HDAC8: variants seen among roughly 807,000 people sequenced by gnomAD.
HDAC8 encodes histone deacetylase 8, also known as histone deacetylase-like 1.
In HDAC8, 1 loss-of-function variant was observed where a neutral mutation model predicts 32.2. The observed-to-expected ratio is 0.03, with a 90% CI of 0.01 to 0.15. The LOEUF is 0.15. Ranked by LOEUF, HDAC8 falls within the 10% of genes least tolerant of loss-of-function variation. The pLI, the probability that HDAC8 is intolerant of heterozygous loss-of-function variation, is 1.00. For synonymous variants in HDAC8, 108 were observed against 113.9 expected (o/e 0.95, Z 0.33); for missense variants, 117 against 300.0 (o/e 0.39, Z 4.51).
At chrX:72,510,112 G>A (rs2049531261) in intron 4 of HDAC8, among the ~76,000 whole-genome samples, 1 of 111,917 alleles carries the variant, frequency 8.9e-6, no homozygotes, top group Non-Finnish European at 1.9e-5. Context: ...CCAAAGGCAA[G>A]TAAATGAGCC....
intron 7 of HDAC8, among the ~76,000 whole-genome samples, chrX:72,471,764 T>C (rs782816329): frequency 1.8e-5 from 2 of 112,249 alleles, no homozygotes; most frequent in Non-Finnish European, 3.8e-5. Context: ...ATCAGACACA[T>C]GATTTGCAAA....
intron 9 of HDAC8, among the ~76,000 whole-genome samples, chrX:72,415,056 A>C (rs971407566): frequency 2.7e-5 from 3 of 112,474 alleles, no homozygotes; most frequent in Non-Finnish European, 5.6e-5. Context: ...TTTTCCTCCC[A>C]ATTGTTTTTA....
chrX:72,429,527 C>T (rs1228083158), intron 9 of HDAC8, among the ~76,000 whole-genome samples: 1 of 112,045 alleles, frequency 8.9e-6, no homozygotes, highest in African/African-American at 3.2e-5. Context: ...GCCAGAAACC[C>T]ACATTTCAGA....
At chrX:72,493,549 A>G (rs2048931854) in intron 5 of HDAC8, among the ~76,000 whole-genome samples, 1 of 111,825 alleles carries the variant, frequency 8.9e-6, no homozygotes, top group Admixed American at 9.5e-5. Flanking sequence ...GGGTCAATGA[A>G]CTAAGTGGCT....
chrX:72,451,246 G>T (rs1569308800), intron 9 of HDAC8, among the ~76,000 whole-genome samples: 1 of 109,833 alleles, frequency 9.1e-6, no homozygotes, highest in Non-Finnish European at 1.9e-5. Context: ...GCCCAGGCTG[G>T]AGTGCAGTGG....
At chrX:72,440,634 A>C (rs1168213351) in intron 9 of HDAC8, among the ~76,000 whole-genome samples, 1 of 112,124 alleles carries the variant, frequency 8.9e-6, no homozygotes, top group Non-Finnish European at 1.9e-5. Flanking sequence ...CTGCATTTCT[A>C]TCTGAGGTAC....
chrX:72,568,052 G>C, intron 3 of HDAC8, 22 bp from the exon 4 acceptor site: 2 of 1,198,424 alleles, frequency 1.7e-6, no homozygotes, highest in South Asian at 1.8e-5. Context: ...AATCAGAAGA[G>C]CTGGTTAAAA....
intron 9 of HDAC8, among the ~76,000 whole-genome samples, chrX:72,397,009 C>G (rs782124718): frequency 9.0e-6 from 1 of 111,667 alleles, no homozygotes; most frequent in East Asian, 2.8e-4. Flanking sequence ...TGCTTGGCTT[C>G]TGATGAGGCC....
At chrX:72,517,177 A>G (rs782608043) in intron 4 of HDAC8, among the ~76,000 whole-genome samples, 2 of 112,201 alleles carry the variant, frequency 1.8e-5, no homozygotes, top group South Asian at 7.4e-4. Context: ...TCTAATGACT[A>G]ATGATGTTGA....
At position 72,568,980 on chromosome X, in the gene HDAC8, C is replaced by T. The variant is rs912329128; in HGVS notation, c.165-96G>A. The T allele has an allele frequency of 2.6e-5, 23 of 900,627 alleles. No homozygotes were observed. The African/African-American group carries it at 2.6e-4, about 10-fold the overall frequency. 74.2% of individuals were successfully genotyped at this position (900,627 alleles called of 1,213,427 possible). A position where few individuals can be genotyped will look rare whatever the true frequency, so the allele number is the denominator to read the frequency against. On this transcript the variant is annotated intron_variant, in intron 2 of 10. Transcript: ENST00000373573. The stretch of plus-strand genomic sequence containing the variant: ...AAGCCAGCAGTCTGAGAAGAAAATA[C>T]GTCTCAACTTCTGGTTCCAATAGGC...
intron 4 of HDAC8, among the ~76,000 whole-genome samples, chrX:72,541,147 CAGG>C (rs1556042506): frequency 9.5e-6 from 1 of 105,543 alleles, no homozygotes; most frequent in Non-Finnish European, 1.9e-5. Flanking sequence ...AAAAGGATGA[CAGG>C]AGGCTTTTTT....
At chrX:72,442,348 T>C (rs781998723) in intron 9 of HDAC8, among the ~76,000 whole-genome samples, 23 of 111,572 alleles carry the variant, frequency 2.1e-4, no homozygotes, top group African/African-American at 6.8e-4. Context: ...CGGCAGAAAC[T>C]CTACAAGCCA....
chrX:72,350,585 A>G (rs1340321681), intron 10 of HDAC8, among the ~76,000 whole-genome samples: 1 of 112,382 alleles, frequency 8.9e-6, no homozygotes, highest in Non-Finnish European at 1.9e-5. Context: ...AGGCAAAAAG[A>G]TACCCTTGGC....
chrX:72,461,384 A>G (rs1255995013), intron 9 of HDAC8, among the ~76,000 whole-genome samples: 1 of 112,163 alleles, frequency 8.9e-6, no homozygotes, highest in Non-Finnish European at 1.9e-5. Context: ...GAAAACTAGA[A>G]CAGACATCTT....
intron 4 of HDAC8, among the ~76,000 whole-genome samples, chrX:72,533,248 T>G (rs1556037085): frequency 8.9e-6 from 1 of 112,054 alleles, no homozygotes; most frequent in Non-Finnish European, 1.9e-5. Flanking sequence ...AACAGACTAT[T>G]TTGATTACTG....
At chrX:72,375,935 A>C (rs3012655) in intron 9 of HDAC8, among the ~76,000 whole-genome samples, 32,459 of 110,718 alleles carry the variant, frequency 0.29, 5,254 homozygotes, top group African/African-American at 0.62. Context: ...AATTCAATCT[A>C]TTTTACTTGG....
In HDAC8 at chrX:72,489,054, A is replaced by G. The variant is rs1603060210; in HGVS notation, c.629-13T>C. 1 of 1,100,336 alleles carries G rather than the reference A, an allele frequency of 9.1e-7. No homozygotes were observed. The highest frequency in any genetic ancestry group is 1.2e-6 in the Non-Finnish European group (1 of 803,803). The allele number at this position is 1,100,336 out of a possible 1,213,427, so 90.7% of individuals were successfully genotyped here. On this transcript the variant is annotated splice_polypyrimidine_tract_variant and intron_variant, in intron 6 of 10. Transcript: ENST00000373573. Reference sequence around the variant, plus strand: ...ACGTCACCTGTTCCTATAAAAGAGAAGAGCACTATGATCAGTTATTAGGAA... The same window carrying G: ...ACGTCACCTGTTCCTATAAAAGAGAGGAGCACTATGATCAGTTATTAGGAA...
intron 10 of HDAC8, among the ~76,000 whole-genome samples, chrX:72,345,784 C>A (rs1555946736): frequency 9.0e-6 from 1 of 111,190 alleles, no homozygotes; most frequent in African/African-American, 3.3e-5. Context: ...TGGGGTTAAG[C>A]AATCCTCCCA....
chrX:72,454,760 T>G (rs1164873597), intron 9 of HDAC8, among the ~76,000 whole-genome samples: 1 of 112,734 alleles, frequency 8.9e-6, no homozygotes, highest in Non-Finnish European at 1.9e-5. Context: ...TAAGTTATTT[T>G]ACTGCATTGG....
Sources: gnomAD v4.1 joint callset for allele counts (sites outside exome capture counted in the v4.1 genomes callset) on GRCh38, gnomAD v4.1.1 for gene constraint, MANE v1.5 for transcripts, NCBI Gene and HGNC (gene_info 2026-07-23, HGNC 2026-07-21) for gene names.